Variants in ABCG2 observed in about 807,000 individuals in gnomAD.
ABCG2 encodes the protein ATP binding cassette subfamily G member 2 (JR blood group).
ABCG2 carries 80 observed loss-of-function variants against 73.5 expected under a neutral mutation model. The observed-to-expected ratio is 1.09, with a 90% confidence interval of 0.91 to 1.31. The LOEUF is 1.31. ABCG2 is among the 50% of genes most tolerant of loss of function. ABCG2 has a pLI of 0.00. For synonymous variants in ABCG2, 269 were observed against 282.4 expected (o/e 0.95, Z 0.48); for missense variants, 796 against 786.2 (o/e 1.01, Z -0.15).
chr4:88,139,764 G>T, intron 2 of ABCG2, 29 bp downstream of exon 2: 2 of 1,592,870 alleles, frequency 1.3e-6, no homozygotes, highest in Non-Finnish European at 1.7e-6. Flanking sequence ...AAATTAAAAA[G>T]CTGTCTTTTT....
In ABCG2 at chr4:88,140,281, T is replaced by A. The variant is rs183707386; in HGVS notation, c.-19-267A>T. On this transcript the variant is annotated intron_variant, in intron 1 of 15. Transcript: ENST00000237612. ...TCCTAATAAGTAAATAGGAAGAGTATGAAAATTACAAAAAACTGATAAAGC... is the reference window on the plus strand; with the variant it reads ...TCCTAATAAGTAAATAGGAAGAGTAAGAAAATTACAAAAAACTGATAAAGC... 5.2e-3 allele frequency among the ~76,000 whole-genome samples: 799 copies of A among 152,266 alleles called. 6 individuals are homozygous for A. The highest frequency in any genetic ancestry group is 0.018 in the African/African-American group (761 of 41,552).
intron 1 of ABCG2, among the ~76,000 whole-genome samples, chr4:88,204,051 AT>A (rs1729285907): frequency 6.6e-6 from 1 of 152,016 alleles, no homozygotes; most frequent in Non-Finnish European, 1.5e-5. Context: ...TTCCTCTTCC[AT>A]TTCTCTAGTT....
intron 1 of ABCG2, among the ~76,000 whole-genome samples, chr4:88,180,364 A>G (rs1728183272): frequency 6.6e-6 from 1 of 152,202 alleles, no homozygotes; most frequent in African/African-American, 2.4e-5. Context: ...ACTTCCCCAG[A>G]TAAACAAAAA....
chr4:88,097,584 A>C lies in ABCG2; in HGVS notation c.1516T>G (p.Phe506Val). The C allele has an allele frequency of 6.2e-7, 1 of 1,614,150 alleles. No homozygotes were observed. Among genetic ancestry groups the C allele is most frequent in the Non-Finnish European group, 8.5e-7 (1 of 1,179,974 alleles). ...MLGLKPKADA[F>V]FVMMFTLMMV... ...ATAAGGGTAAACATCATAACGAAGA[A>C]GGCATCTGCCTTTGGCTTCAATCCT... Residue 506 changes from phenylalanine to valine, a missense_variant, in exon 13 of 16, where the codon TTC becomes GTC. Transcript: ENST00000237612.
chr4:88,211,477 C>T (rs1729597444), intron 1 of ABCG2, among the ~76,000 whole-genome samples: 1 of 151,434 alleles, frequency 6.6e-6, no homozygotes, highest in African/African-American at 2.4e-5. Flanking sequence ...AGTGCAATGG[C>T]GCGATCTCCG....
rs191949715 is a variant in ABCG2 at position 88,214,613 on chromosome 4, A to G, written c.-20+16381T>C. On this transcript the variant is annotated intron_variant, in intron 1 of 15. Transcript: ENST00000515655. ...GGTGGGTCCTGCCTGTAATCCTGGCACTTCCGTAGGCTGAGGCAGGAGGAT... is the reference window on the plus strand; with the variant it reads ...GGTGGGTCCTGCCTGTAATCCTGGCGCTTCCGTAGGCTGAGGCAGGAGGAT... Among the ~76,000 whole-genome samples, 4 of 152,148 alleles carry G rather than the reference A, an allele frequency of 2.6e-5. No individual in the cohort carries two copies. The East Asian group carries it at 7.8e-4, about 30-fold the overall frequency.
chr4:88,173,051 G>A (rs145078979), intron 1 of ABCG2, among the ~76,000 whole-genome samples: 4 of 152,208 alleles, frequency 2.6e-5, no homozygotes, highest in South Asian at 2.1e-4. Context: ...AACACATTAA[G>A]TATTTTTCAT....
At chr4:88,206,966 C>T (rs926400372) in intron 1 of ABCG2, among the ~76,000 whole-genome samples, 6 of 152,108 alleles carry the variant, frequency 3.9e-5, no homozygotes, top group South Asian at 4.1e-4. Flanking sequence ...AGGTAATTTG[C>T]GTATTTTCAG....
At chr4:88,128,907 C>T (rs1560692904) in intron 5 of ABCG2, among the ~76,000 whole-genome samples, 1 of 152,108 alleles carries the variant, frequency 6.6e-6, no homozygotes, top group Non-Finnish European at 1.5e-5. Flanking sequence ...TATCCCAGAA[C>T]TTTAGTGAAA....
At chr4:88,093,045 G>A (rs1721743853) in intron 15 of ABCG2, among the ~76,000 whole-genome samples, 1 of 152,136 alleles carries the variant, frequency 6.6e-6, no homozygotes, top group South Asian at 2.1e-4. Context: ...TAAGCCTTAA[G>A]TGGCAGCTAG....
chr4:88,095,719 C>A, intron 13 of ABCG2, 110 bp from the exon 14 acceptor site: 1 of 846,464 alleles, frequency 1.2e-6, no homozygotes, highest in Non-Finnish European at 1.9e-6. Flanking sequence ...CTTTTAAAAC[C>A]AACTCTTTCT....
intron 1 of ABCG2, among the ~76,000 whole-genome samples, chr4:88,190,882 A>C (rs1728660778): frequency 6.6e-6 from 1 of 152,050 alleles, no homozygotes; most frequent in South Asian, 2.1e-4. Context: ...ACCAATTTTT[A>C]TCCAGATTAT....
intron 1 of ABCG2, among the ~76,000 whole-genome samples, chr4:88,197,954 T>C (rs572574969): frequency 1.3e-4 from 19 of 143,474 alleles, no homozygotes; most frequent in Non-Finnish European, 2.5e-4. Flanking sequence ...TGCTTGAACA[T>C]GGGAGGCACA....
chr4:88,229,354 A>G (rs1730361521), intron 1 of ABCG2, among the ~76,000 whole-genome samples: 1 of 152,070 alleles, frequency 6.6e-6, no homozygotes, highest in Non-Finnish European at 1.5e-5. Context: ...GAACAACAAA[A>G]TTGGCTGGAC....
upstream of ABCG2, chr4:88,159,248 C>T (rs1456993226): frequency 8.8e-6 from 4 of 455,344 alleles, no homozygotes; most frequent in South Asian, 1.5e-5. Flanking sequence ...CTGGCCGGAG[C>T]GCCGAAGCAC....
At chr4:88,174,980 T>C (rs1048217886) in intron 1 of ABCG2, among the ~76,000 whole-genome samples, 3 of 152,190 alleles carry the variant, frequency 2.0e-5, no homozygotes, top group African/African-American at 7.2e-5. Context: ...ATTTATTAAA[T>C]AGGGAATCCC....
chr4:88,201,129 T>C (rs1468383198), intron 1 of ABCG2, among the ~76,000 whole-genome samples: 1 of 116,518 alleles, frequency 8.6e-6, no homozygotes, highest in African/African-American at 3.3e-5. Context: ...TGAAAATCAA[T>C]AGAGAAAATT....
rs768166927 is a variant in ABCG2 at position 88,139,963 on chromosome 4, TG to T, written c.32del (p.Pro11GlnfsTer18). ...AGCCATTGGTGTTTCCTTGTGACAC[TG>T]GGATAAAAACTTCGACATTACTGGA... MSSSNVEVFI[P>X]VSQGNTNGFP... is the part of the protein sequence containing the mutation. On this transcript the variant is annotated frameshift_variant, in exon 2 of 16. Transcript: ENST00000237612. LOFTEE classifies it high-confidence loss of function. The T allele has an allele frequency of 1.2e-6, 2 of 1,614,144 alleles. No homozygotes were observed. The highest frequency in any genetic ancestry group is 2.2e-5 in the South Asian group (2 of 91,076).
At chr4:88,164,993 G>A (rs532424377) in intron 1 of ABCG2, among the ~76,000 whole-genome samples, 1 of 152,108 alleles carries the variant, frequency 6.6e-6, no homozygotes, top group Non-Finnish European at 1.5e-5. Flanking sequence ...GCCTCAGCTG[G>A]TCTTGAACTC....
Sources: gnomAD v4.1 joint callset for allele counts (sites outside exome capture counted in the v4.1 genomes callset) on GRCh38, gnomAD v4.1.1 for gene constraint, MANE v1.5 for transcripts, NCBI Gene and HGNC (gene_info 2026-07-23, HGNC 2026-07-21) for gene names.